Variants in PITPNC1 observed in about 807,000 individuals in gnomAD.
PITPNC1 encodes cytoplasmic phosphatidylinositol transfer protein 1.
A neutral mutation model predicts 44.7 loss-of-function variants in PITPNC1; 18 were observed. The observed-to-expected ratio is 0.40, with a 90% CI of 0.28 to 0.60. PITPNC1 has a LOEUF of 0.60. Ranked by LOEUF, PITPNC1 falls within the 20% of genes least tolerant of loss-of-function variation. The pLI is 0.39. For synonymous variants in PITPNC1, 141 were observed against 149.6 expected, an observed-to-expected ratio of 0.94 and a Z score of 0.42; for missense variants, 290 against 418.4, an observed-to-expected ratio of 0.69 and a Z score of 2.68.
chr17:67,627,139 G>C (rs1598904127), intron 5 of PITPNC1, among the ~76,000 whole-genome samples: 1 of 152,306 alleles, frequency 6.6e-6, no homozygotes, highest in Middle Eastern at 3.4e-3. Flanking sequence ...TGTAATCCCA[G>C]CTACTCAGGG....
At chr17:67,560,501 G>A (rs758984601) in intron 4 of PITPNC1, among the ~76,000 whole-genome samples, 3 of 152,184 alleles carry the variant, frequency 2.0e-5, no homozygotes, top group Admixed American at 6.5e-5. Flanking sequence ...TCAGCAGTAC[G>A]TTGGGATGGC....
At chr17:67,402,563 C>T (rs2038334058) in intron 1 of PITPNC1, among the ~76,000 whole-genome samples, 1 of 148,948 alleles carries the variant, frequency 6.7e-6, no homozygotes, top group African/African-American at 2.5e-5. Flanking sequence ...ATGTGTTCTG[C>T]CGAAAACAAG....
Position 67,539,836 on chromosome 17 carries a change from T to TCAAA in PITPNC1, c.197+6903_197+6906dup, listed in dbSNP as rs59912599. 7.7e-3 allele frequency among the ~76,000 whole-genome samples: 1,174 copies of TCAAA among 152,130 alleles called. 15 individuals are homozygous for TCAAA. The highest frequency in any genetic ancestry group is 0.035 in the East Asian group (180 of 5,168). ...CTGGGTGACAGAACGAGACGCCGTC[T>TCAAA]CAAACAAACAAACAAACAAATGTAT... is the stretch of plus-strand genomic sequence containing the variant. On this transcript the variant is annotated intron_variant, in intron 2 of 8. Transcript: ENST00000581322.
At chr17:67,391,596 T>C (rs1473391551) in intron 1 of PITPNC1, among the ~76,000 whole-genome samples, 1 of 152,140 alleles carries the variant, frequency 6.6e-6, no homozygotes, top group Non-Finnish European at 1.5e-5. Context: ...TTCTCCTGCC[T>C]CAGCATCCCA....
At chr17:67,411,234 A>T (rs1459302956) in intron 1 of PITPNC1, among the ~76,000 whole-genome samples, 4 of 152,072 alleles carry the variant, frequency 2.6e-5, no homozygotes, top group African/African-American at 9.7e-5. Context: ...CTATTTCATG[A>T]TCTCATTCAA....
intron 7 of PITPNC1, among the ~76,000 whole-genome samples, chr17:67,673,335 CA>C (rs977848569): frequency 3.9e-5 from 6 of 152,102 alleles, no homozygotes; most frequent in African/African-American, 1.4e-4. Context: ...TGTAAAAAGA[CA>C]TATTTACCCA....
intron 1 of PITPNC1, among the ~76,000 whole-genome samples, chr17:67,499,201 T>G (rs1278891062): frequency 6.6e-6 from 1 of 150,810 alleles, no homozygotes; most frequent in Non-Finnish European, 1.5e-5. Context: ...AAATATCTAT[T>G]CAAGTCCTTT....
intron 5 of PITPNC1, among the ~76,000 whole-genome samples, chr17:67,581,612 A>G (rs1448234566): frequency 2.0e-5 from 3 of 152,162 alleles, no homozygotes; most frequent in African/African-American, 7.2e-5. Context: ...CTTGCTCCTG[A>G]GGCCATTGGA....
At chr17:67,630,559 C>T (rs2041952983) in intron 5 of PITPNC1, among the ~76,000 whole-genome samples, 1 of 152,128 alleles carries the variant, frequency 6.6e-6, no homozygotes, top group Non-Finnish European at 1.5e-5. Context: ...GCGGAGATTG[C>T]AGTGAGCTCA....
chr17:67,658,592 G>A (rs1370905763), intron 6 of PITPNC1, among the ~76,000 whole-genome samples: 1 of 152,118 alleles, frequency 6.6e-6, no homozygotes, highest in Non-Finnish European at 1.5e-5. Flanking sequence ...AATTCTTCCT[G>A]GTTGTGAGAC....
intron 2 of PITPNC1, among the ~76,000 whole-genome samples, chr17:67,544,564 A>G (rs2040652381): frequency 6.6e-6 from 1 of 152,220 alleles, no homozygotes; most frequent in Admixed American, 6.5e-5. Flanking sequence ...TCTAACGGTG[A>G]TTCCGCCTAA....
At chr17:67,409,641 C>T (rs1417275152) in intron 1 of PITPNC1, among the ~76,000 whole-genome samples, 1 of 151,746 alleles carries the variant, frequency 6.6e-6, no homozygotes, top group African/African-American at 2.4e-5. Flanking sequence ...TTGGTTCAAG[C>T]GATTCTCCTG....
Position 67,612,639 on chromosome 17 carries a change from C to T in PITPNC1, c.367-19504C>T, listed in dbSNP as rs118049318. On this transcript the variant is annotated intron_variant, in intron 5 of 8. Transcript: ENST00000581322. ...TTCCTAGCATATTGGGAAGAAAACT[C>T]ATGGTTGGGGTGTGGCTGGGTGGAT... 7.5e-3 allele frequency: 1,142 copies of T among 152,034 alleles called. 11 individuals carry two copies. The highest frequency in any genetic ancestry group is 0.017 in the Middle Eastern group (5 of 290). The allele number at this position is 152,034 out of a possible 1,614,324, so 9.4% of individuals were successfully genotyped here.
chr17:67,669,762 G>C, intron 7 of PITPNC1, 99 bp downstream of exon 7: 1 of 841,964 alleles, frequency 1.2e-6, no homozygotes, highest in Non-Finnish European at 1.8e-6. Context: ...AAATACATCA[G>C]GTCACTGCAT....
At chr17:67,652,769 A>T (rs1267250034) in intron 6 of PITPNC1, among the ~76,000 whole-genome samples, 1 of 152,142 alleles carries the variant, frequency 6.6e-6, no homozygotes, top group Non-Finnish European at 1.5e-5. Context: ...CCGTGACCAC[A>T]TGAGTGAGCT....
intron 1 of PITPNC1, among the ~76,000 whole-genome samples, chr17:67,502,530 A>G (rs947477991): frequency 6.6e-6 from 1 of 152,170 alleles, no homozygotes; most frequent in African/African-American, 2.4e-5. Flanking sequence ...GCCACTTGGA[A>G]CACTGGATGG....
intron 2 of PITPNC1, among the ~76,000 whole-genome samples, chr17:67,547,272 C>A (rs1469604): frequency 0.14 from 21,929 of 152,078 alleles, 2,134 homozygotes; most frequent in East Asian, 0.51. Flanking sequence ...CCCAGCATTT[C>A]AGGAGGCCGA....
At chr17:67,560,641 C>A (rs891696570) in intron 4 of PITPNC1, among the ~76,000 whole-genome samples, 1 of 152,244 alleles carries the variant, frequency 6.6e-6, no homozygotes, top group Non-Finnish European at 1.5e-5. Context: ...GCCTCTACAT[C>A]TCAGCACCCC....
At chr17:67,608,237 AAAAAAAAAAC>A (rs1457240510) in intron 5 of PITPNC1, among the ~76,000 whole-genome samples, 10 of 149,030 alleles carry the variant, frequency 6.7e-5, no homozygotes, top group East Asian at 2.0e-4. Context: ...TGTCAATTAA[AAAAAAAAAAC>A]AAAAAAAAAC....
Sources: gnomAD v4.1 joint callset for allele counts (sites outside exome capture counted in the v4.1 genomes callset) on GRCh38, gnomAD v4.1.1 for gene constraint, MANE v1.5 for transcripts, NCBI Gene and HGNC (gene_info 2026-07-23, HGNC 2026-07-21) for gene names.